DGKG: variants seen among roughly 807,000 people sequenced by gnomAD.
The protein encoded by DGKG is DAG kinase gamma.
DGKG carries 78 observed loss-of-function variants against 105.3 expected under a neutral mutation model. That is an observed-to-expected ratio of 0.74 (90% CI 0.62 to 0.89). DGKG has a LOEUF of 0.89. Among genes scored for constraint, DGKG ranks in the 40% least tolerant of loss-of-function variants. The pLI, the probability that DGKG is intolerant of heterozygous loss-of-function variation, is 0.00. For missense variants in DGKG, 958 were observed against 1,020.1 expected, an observed-to-expected ratio of 0.94 and a Z score of 0.83; for synonymous variants, 346 against 367.1, an observed-to-expected ratio of 0.94 and a Z score of 0.66.
At chr3:186,355,517 CCACTG>C in intron 1 of DGKG, among the ~76,000 whole-genome samples, 1 of 151,436 alleles carries the variant, frequency 6.6e-6, no homozygotes, top group East Asian at 1.9e-4. Flanking sequence ...ACCATCACCT[CCACTG>C]CCACTACCAC....
chr3:186,299,767 C>CTCCTTCTTTCTTTCTT (rs1723783662), intron 3 of DGKG, among the ~76,000 whole-genome samples: 2 of 95,550 alleles, frequency 2.1e-5, no homozygotes, highest in East Asian at 3.5e-4. Flanking sequence ...TTCTTCTTTT[C>CTCCTTCTTTCTTTCTT]TCTTTCTTTC....
At chr3:186,229,750 A>C (rs187041806) in intron 20 of DGKG, among the ~76,000 whole-genome samples, 13 of 152,336 alleles carry the variant, frequency 8.5e-5, no homozygotes, top group Non-Finnish European at 1.5e-4. Context: ...CATGATGCTA[A>C]CACAAATAGA....
At chr3:186,314,881 T>C (rs1424084730) in intron 2 of DGKG, among the ~76,000 whole-genome samples, 2 of 152,192 alleles carry the variant, frequency 1.3e-5, no homozygotes, top group Non-Finnish European at 2.9e-5. Context: ...TTTCCTTTTT[T>C]CTCTTTCTGA....
At chr3:186,278,482 C>T (rs1254464118) in intron 9 of DGKG, among the ~76,000 whole-genome samples, 1 of 152,010 alleles carries the variant, frequency 6.6e-6, no homozygotes, top group African/African-American at 2.4e-5. Flanking sequence ...CGGTGGATGT[C>T]CTTGGGCAAG....
intron 16 of DGKG, among the ~76,000 whole-genome samples, chr3:186,259,079 T>C (rs1009806602): frequency 6.6e-6 from 1 of 152,096 alleles, no homozygotes; most frequent in Non-Finnish European, 1.5e-5. Context: ...TAACATTCCT[T>C]CTCTTGCAGA....
chr3:186,343,703 T>TA (rs775804725), intron 1 of DGKG, among the ~76,000 whole-genome samples: 15 of 152,236 alleles, frequency 9.9e-5, no homozygotes, highest in Non-Finnish European at 1.9e-4. Flanking sequence ...GATTTTAAAA[T>TA]AAAAATCACA....
intron 21 of DGKG, among the ~76,000 whole-genome samples, chr3:186,200,619 C>T (rs1346602484): frequency 1.3e-5 from 2 of 152,148 alleles, no homozygotes; most frequent in East Asian, 3.9e-4. Flanking sequence ...TTTGTTTTGG[C>T]AGGCTAGTGT....
chr3:186,243,604 C>T (rs897585792), intron 19 of DGKG, among the ~76,000 whole-genome samples: 3 of 152,132 alleles, frequency 2.0e-5, no homozygotes, highest in Admixed American at 2.0e-4. Context: ...CTTCCACCCT[C>T]GACAATGGTC....
chr3:186,246,932 C>T (rs770719337), intron 19 of DGKG, among the ~76,000 whole-genome samples: 6 of 152,138 alleles, frequency 3.9e-5, no homozygotes, highest in Non-Finnish European at 5.9e-5. Context: ...CCTGTTAAGG[C>T]TCATGAAAGC....
chr3:186,152,511 G>A (rs1483681041), intron 24 of DGKG, among the ~76,000 whole-genome samples: 2 of 152,096 alleles, frequency 1.3e-5, no homozygotes, highest in African/African-American at 2.4e-5. Context: ...TATTCACCAC[G>A]GCACTCTCTG....
intron 1 of DGKG, among the ~76,000 whole-genome samples, chr3:186,356,932 T>C (rs909812393): frequency 6.6e-6 from 1 of 152,152 alleles, no homozygotes; most frequent in African/African-American, 2.4e-5. Flanking sequence ...GGGGCCAGCA[T>C]CCACCAACTC....
chr3:186,220,047 C>T (rs1181476503), intron 20 of DGKG, among the ~76,000 whole-genome samples: 1 of 152,202 alleles, frequency 6.6e-6, no homozygotes, highest in African/African-American at 2.4e-5. Context: ...ATAATAAAGA[C>T]AGCATAGGCT....
At chr3:186,216,229 G>A (rs1256989548) in intron 20 of DGKG, among the ~76,000 whole-genome samples, 1 of 151,860 alleles carries the variant, frequency 6.6e-6, no homozygotes, top group Admixed American at 6.6e-5. Context: ...TGAACTCCTG[G>A]CCTTATGTAA....
intron 21 of DGKG, among the ~76,000 whole-genome samples, chr3:186,209,774 C>A (rs1300516283): frequency 6.6e-6 from 1 of 152,122 alleles, no homozygotes; most frequent in Non-Finnish European, 1.5e-5. Context: ...CTCTCTTAGT[C>A]CCCCTCTAGA....
At chr3:186,154,471 C>T (rs142321232) in intron 24 of DGKG, among the ~76,000 whole-genome samples, 2,866 of 151,790 alleles carry the variant, frequency 0.019, 78 homozygotes, top group African/African-American at 0.066. Context: ...TGGTGAAATC[C>T]CGTCTCTACT....
chr3:186,230,087 G>A (rs191654586), intron 20 of DGKG, among the ~76,000 whole-genome samples: 1,865 of 152,082 alleles, frequency 0.012, 20 homozygotes, highest in East Asian at 0.031. Flanking sequence ...GTGAAATCCC[G>A]TCTCTACTAA....
chr3:186,263,824 C>A (rs1288531525), intron 14 of DGKG, among the ~76,000 whole-genome samples: 1 of 152,142 alleles, frequency 6.6e-6, no homozygotes, highest in Non-Finnish European at 1.5e-5. Context: ...GAAGGATACA[C>A]CAATGTGGAC....
intron 22 of DGKG, among the ~76,000 whole-genome samples, chr3:186,179,302 G>A (rs575961235): frequency 3.9e-5 from 6 of 152,174 alleles, no homozygotes; most frequent in Non-Finnish European, 7.3e-5. Flanking sequence ...GAGCTGAGTC[G>A]TTGCATCAGA....
At chr3:186,200,228 T>C (rs926550728) in intron 21 of DGKG, among the ~76,000 whole-genome samples, 1 of 152,082 alleles carries the variant, frequency 6.6e-6, no homozygotes, top group African/African-American at 2.4e-5. Flanking sequence ...AAGGCAGCCA[T>C]GTGGAGGAGT....
Sources: allele counts gnomAD v4.1 joint callset (sites outside exome capture counted in the v4.1 genomes callset), GRCh38; gene constraint gnomAD v4.1.1; transcripts MANE v1.5; gene names NCBI Gene and HGNC (gene_info 2026-07-23, HGNC 2026-07-21).